The following LRRTM4 variants were observed in gnomAD, a reference collection of about 807,000 sequenced individuals.
LRRTM4 encodes leucine rich repeat transmembrane neuronal 4.
A neutral mutation model predicts 47.6 loss-of-function variants in LRRTM4; 25 were observed. The observed-to-expected ratio is 0.53, with a 90% confidence interval of 0.38 to 0.73. The LOEUF (loss-of-function observed/expected upper bound fraction) is 0.73. Among genes scored for constraint, LRRTM4 ranks in the 30% least tolerant of loss-of-function variants. The pLI is 0.00. For synonymous variants in LRRTM4, 311 were observed against 269.5 expected (o/e 1.15, Z -1.51); for missense variants, 638 against 713.4 (o/e 0.89, Z 1.20).
chr2:77,353,586 C>A lies in LRRTM4; in HGVS notation c.1551+164732G>T, dbSNP rs189115567. Among the ~76,000 whole-genome samples, 9 of 152,224 alleles carry A rather than the reference C, an allele frequency of 5.9e-5. No homozygotes were observed. The East Asian group carries it at 1.5e-3, about 26-fold the overall frequency. On this transcript the variant is annotated intron_variant, in intron 3 of 3. Transcript: ENST00000409884. Reference sequence around the variant, plus strand: ...AACCTTATGTAGGGGGATAATGACACCATTGGTGAAGTTACATAAACATCT... The same window carrying A: ...AACCTTATGTAGGGGGATAATGACAACATTGGTGAAGTTACATAAACATCT...
At chr2:77,460,856 G>A (rs1290325757) in intron 3 of LRRTM4, among the ~76,000 whole-genome samples, 1 of 152,040 alleles carries the variant, frequency 6.6e-6, no homozygotes, top group Non-Finnish European at 1.5e-5. Context: ...TTTGAATAAG[G>A]CAGGTGCATG....
chr2:76,748,941 G>A, intron 3 of LRRTM4, 25 bp from the exon 4 acceptor site: 1 of 1,586,350 alleles, frequency 6.3e-7, no homozygotes, highest in African/African-American at 1.3e-5. Flanking sequence ...TAGAAAGATG[G>A]GTGGATTATA....
At chr2:77,463,035 C>T (rs1317627070) in intron 3 of LRRTM4, among the ~76,000 whole-genome samples, 1 of 151,956 alleles carries the variant, frequency 6.6e-6, no homozygotes, top group Non-Finnish European at 1.5e-5. Context: ...CCTTGATTAT[C>T]AGTGGAAATA....
chr2:77,421,600 G>A (rs916293051), intron 3 of LRRTM4, among the ~76,000 whole-genome samples: 1 of 152,068 alleles, frequency 6.6e-6, no homozygotes, highest in Non-Finnish European at 1.5e-5. Context: ...CCAGCTACTC[G>A]GGAGGCTGAA....
chr2:76,860,092 AC>A (rs1328119083), intron 3 of LRRTM4, among the ~76,000 whole-genome samples: 1 of 152,174 alleles, frequency 6.6e-6, no homozygotes, highest in African/African-American at 2.4e-5. Context: ...AAGAAAACAC[AC>A]ACAGAAAATA....
intron 3 of LRRTM4, among the ~76,000 whole-genome samples, chr2:76,963,807 T>C (rs1675939753): frequency 6.6e-6 from 1 of 150,796 alleles, no homozygotes; most frequent in South Asian, 2.1e-4. Context: ...AAGAAGTTTG[T>C]ACCATAGGTT....
rs1435130248 is a variant in LRRTM4 at position 77,519,441 on chromosome 2, T to C, written c.428A>G (p.Asn143Ser). ...TTCAGATTGCAATGTCTGAAGCTTA[T>C]TGTAGGAGAGGTCCAGATTGCGGAG... The part of the protein sequence containing the change: ...PNLRNLDLSY[N>S]KLQTLQSEQF... The change falls in exon 3 of 4, where the codon AAT becomes AGT. Residue 143 changes from asparagine to serine, a missense_variant. Transcript: ENST00000409884. The surrounding 1 kb of genome is among the most constrained non-coding windows in gnomAD (Gnocchi z 4.6). The C allele has an allele frequency of 6.2e-7, 1 of 1,613,374 alleles. No individual in the cohort carries two copies. Among genetic ancestry groups the C allele is most frequent in the Non-Finnish European group, 8.5e-7 (1 of 1,179,654 alleles).
In LRRTM4 at chr2:76,998,871, A is replaced by T. The variant is rs143934402; in HGVS notation, c.1552-249955T>A. On this transcript the variant is annotated intron_variant, in intron 3 of 3. Coordinates refer to ENST00000409884, the MANE Select transcript of LRRTM4 (RefSeq NM_001134745.3). ...GTTATGACTCATCCCAAACACTTTC[A>T]AACTGAACTGCAGCAAAATCAATAA... is the stretch of plus-strand genomic sequence containing the variant. 4.2e-3 allele frequency among the ~76,000 whole-genome samples: 640 copies of T among 151,718 alleles called. 3 individuals carry two copies. Among genetic ancestry groups the T allele is most frequent in the Admixed American group, 5.7e-3 (87 of 15,208 alleles).
chr2:77,236,615 A>G (rs1425329573), intron 3 of LRRTM4, among the ~76,000 whole-genome samples: 1 of 152,064 alleles, frequency 6.6e-6, no homozygotes, highest in Non-Finnish European at 1.5e-5. Flanking sequence ...CTCAAGGGGA[A>G]TGCTTCCATG....
chr2:77,400,770 A>G (rs1286613399), intron 3 of LRRTM4, among the ~76,000 whole-genome samples: 1 of 151,740 alleles, frequency 6.6e-6, no homozygotes, highest in Non-Finnish European at 1.5e-5. Flanking sequence ...GAACACAGCA[A>G]ATAAAATCCT....
At chr2:76,779,188 G>A (rs1290232990) in intron 3 of LRRTM4, among the ~76,000 whole-genome samples, 1 of 152,040 alleles carries the variant, frequency 6.6e-6, no homozygotes, top group Non-Finnish European at 1.5e-5. Context: ...CAAGTATGTG[G>A]TCATGTTTGG....
intron 3 of LRRTM4, among the ~76,000 whole-genome samples, chr2:77,480,822 G>GTGTGGAGAGAGAGA (rs1222517611): frequency 1.5e-4 from 11 of 74,520 alleles, no homozygotes; most frequent in Non-Finnish European, 1.9e-4. Flanking sequence ...GTGTGTGTGT[G>GTGTGGAGAGAGAGA]GAGAGAGAGA....
chr2:77,034,693 G>T (rs1678776008), intron 3 of LRRTM4, among the ~76,000 whole-genome samples: 1 of 151,938 alleles, frequency 6.6e-6, no homozygotes, highest in South Asian at 2.1e-4. Context: ...GATCACTTTG[G>T]TCGGGCTGTA....
intron 3 of LRRTM4, among the ~76,000 whole-genome samples, chr2:77,375,300 T>C (rs1271872941): frequency 6.6e-6 from 1 of 151,802 alleles, no homozygotes; most frequent in Non-Finnish European, 1.5e-5. Flanking sequence ...AAAAGAACTA[T>C]ACATGTTTAA....
intron 3 of LRRTM4, among the ~76,000 whole-genome samples, chr2:77,319,719 A>C (rs1370462593): frequency 6.6e-6 from 1 of 152,242 alleles, no homozygotes; most frequent in African/African-American, 2.4e-5. Context: ...CTTTCTGAAC[A>C]ATTAACAATT....
At chr2:77,275,335 C>G (rs1476354437) in intron 3 of LRRTM4, among the ~76,000 whole-genome samples, 1 of 151,918 alleles carries the variant, frequency 6.6e-6, no homozygotes, top group East Asian at 1.9e-4. Context: ...CTCCCTACCT[C>G]CAACGTATTT....
chr2:77,134,745 T>A (rs184771704), intron 3 of LRRTM4, among the ~76,000 whole-genome samples: 20 of 152,306 alleles, frequency 1.3e-4, no homozygotes, highest in Admixed American at 5.2e-4. Context: ...AGAACCTGGA[T>A]AATATTCCAA....
chr2:76,937,362 A>T (rs748924897), intron 3 of LRRTM4, among the ~76,000 whole-genome samples: 14 of 152,340 alleles, frequency 9.2e-5, no homozygotes, highest in Middle Eastern at 3.4e-3. Context: ...ACTGGAAGGC[A>T]GGACTTTGAC....
At chr2:77,470,305 G>A (rs550536823) in intron 3 of LRRTM4, among the ~76,000 whole-genome samples, 10 of 152,244 alleles carry the variant, frequency 6.6e-5, no homozygotes, top group African/African-American at 2.4e-4. Flanking sequence ...ATATGGACAG[G>A]CAGATGGATG....
Sources: allele counts gnomAD v4.1 joint callset (sites outside exome capture counted in the v4.1 genomes callset), GRCh38; gene constraint gnomAD v4.1.1; non-coding constraint Gnocchi (gnomAD v3.1); transcripts MANE v1.5; gene names NCBI Gene and HGNC (gene_info 2026-07-23, HGNC 2026-07-21).